Variants in HACD3 observed in about 807,000 individuals in gnomAD.
HACD3 encodes 3-hydroxyacyl-CoA dehydratase 3, also known as very-long-chain (3R)-3-hydroxyacyl-CoA dehydratase 3.
Under a neutral mutation model 55.2 loss-of-function variants are expected in HACD3, and 30 were observed. The ratio of observed to expected loss-of-function variants is 0.54; its 90% CI spans 0.41 to 0.74. The LOEUF (loss-of-function observed/expected upper bound fraction) is 0.74. Ranked by LOEUF, HACD3 falls within the 30% of genes least tolerant of loss-of-function variation. HACD3 has a pLI of 0.00. For missense variants in HACD3, 363 were observed against 440.1 expected (o/e 0.82, Z 1.57); for synonymous variants, 141 against 151.7 (o/e 0.93, Z 0.52).
intron 8 of HACD3, 50 bp from the exon 9 acceptor site, chr15:65,571,498 A>C (rs1371957857): frequency 7.4e-7 from 1 of 1,345,992 alleles, no homozygotes; most frequent in African/African-American, 1.4e-5. Flanking sequence ...CTAAGGTTGC[A>C]TTCGGAACCT....
chr15:65,551,365 C>T (rs1293137405), intron 1 of HACD3, among the ~76,000 whole-genome samples: 1 of 152,170 alleles, frequency 6.6e-6, no homozygotes, highest in Non-Finnish European at 1.5e-5. Context: ...TCTGTATTCC[C>T]GTGTCATATC....
chr15:65,567,298 A>C (rs1490182682), intron 7 of HACD3, among the ~76,000 whole-genome samples: 3 of 152,136 alleles, frequency 2.0e-5, no homozygotes, highest in Admixed American at 1.3e-4. Flanking sequence ...CAACCTGGGC[A>C]GCAGAGCGAG....
At chr15:65,570,723 T>C (rs1421794913) in intron 8 of HACD3, among the ~76,000 whole-genome samples, 1 of 152,244 alleles carries the variant, frequency 6.6e-6, no homozygotes, top group African/African-American at 2.4e-5. Context: ...AAAGTAGATG[T>C]ATTCTTCTTT....
chr15:65,565,347 G>T (rs781617069), intron 7 of HACD3: 5 of 152,252 alleles, frequency 3.3e-5, no homozygotes, highest in African/African-American at 7.2e-5. Flanking sequence ...TTCTGTGTGG[G>T]GGCTCCAACC....
rs1034878621 is a variant in HACD3 at position 65,562,811 on chromosome 15, T to C, written c.459T>C (p.Tyr153=). Residue 153 remains tyrosine (Y), a synonymous_variant, in exon 6 of 11, where the codon TAT becomes TAC. Coordinates refer to ENST00000261875, the MANE Select transcript of HACD3 (RefSeq NM_016395.4). ...TAAGGAAAGGATACCTGTTTATGTATAATCTTGTGCAATTCTTGGGATTCT... is the reference window on the plus strand; with the variant it reads ...TAAGGAAAGGATACCTGTTTATGTACAATCTTGTGCAATTCTTGGGATTCT... The part of the protein sequence containing the change: ...TNLRKGYLFM[Y]NLVQFLGFSW... 6.2e-7 allele frequency: 1 copy of C among 1,613,894 alleles called. No individual in the cohort carries two copies. The highest frequency in any genetic ancestry group is 8.5e-7 in the Non-Finnish European group (1 of 1,179,900).
intron 3 of HACD3, 114 bp downstream of exon 3, chr15:65,555,074 A>AAT: frequency 1.2e-6 from 1 of 821,076 alleles, no homozygotes; most frequent in Non-Finnish European, 2.0e-6. Context: ...AAAGGGGAAT[A>AAT]ATAGAGTTCT....
At chr15:65,550,437 T>G (rs1011979435) in intron 1 of HACD3, among the ~76,000 whole-genome samples, 87 of 151,986 alleles carry the variant, frequency 5.7e-4, no homozygotes, top group African/African-American at 2.0e-3. Flanking sequence ...TTCCAAGAAA[T>G]AAAGACAGTT....
chr15:65,568,770 G>A (rs895213165), intron 7 of HACD3, among the ~76,000 whole-genome samples: 1 of 152,174 alleles, frequency 6.6e-6, no homozygotes, highest in African/African-American at 2.4e-5. Flanking sequence ...AAAAAATCAA[G>A]ACAGTATAAA....
chr15:65,570,591 C>T (rs1338376044), intron 8 of HACD3, among the ~76,000 whole-genome samples: 1 of 152,064 alleles, frequency 6.6e-6, no homozygotes, highest in African/African-American at 2.4e-5. Context: ...TAAATTTCTA[C>T]AAGGGATGAT....
rs1259587789 is a variant in HACD3, at chr15:65,576,710, T to G, written c.*331T>G. 3.9e-6 allele frequency: 1 copy of G among 258,708 alleles called. No homozygotes were observed. Among genetic ancestry groups the G allele is most frequent in the African/African-American group, 2.3e-5 (1 of 44,264 alleles). 16.0% of individuals were successfully genotyped at this position (258,708 alleles called of 1,614,324 possible). On this transcript the variant is annotated 3_prime_UTR_variant, in exon 11 of 11. Transcript: ENST00000261875. ...TTCAAAAAGTGCTTTATCCCTACAA[T>G]GTACTGACAGTTCTTACAGTTGAGA...
At chr15:65,535,812 C>T (rs1258592395) in intron 1 of HACD3, 2 of 642,734 alleles carry the variant, frequency 3.1e-6, no homozygotes, top group African/African-American at 1.8e-5. Flanking sequence ...CCTCCTGGCT[C>T]AGCCTACCAA....
intron 3 of HACD3, 120 bp downstream of exon 3, chr15:65,555,080 G>T (rs1048505155): frequency 2.4e-5 from 19 of 792,308 alleles, no homozygotes; most frequent in Non-Finnish European, 3.7e-5. Flanking sequence ...GAATAATAGA[G>T]TTCTTTTATT....
At chr15:65,555,447 T>C (rs2072179974) in intron 3 of HACD3, among the ~76,000 whole-genome samples, 1 of 152,136 alleles carries the variant, frequency 6.6e-6, no homozygotes, top group African/African-American at 2.4e-5. Context: ...GCTGCAGATA[T>C]CATCAAAACT....
chr15:65,542,944 T>C (rs2072035954), intron 1 of HACD3, among the ~76,000 whole-genome samples: 2 of 151,722 alleles, frequency 1.3e-5, no homozygotes, highest in South Asian at 2.1e-4. Context: ...TGCGATGGCA[T>C]GTGCCTGTAA....
At chr15:65,548,353 TA>T (rs968912995) in intron 1 of HACD3, among the ~76,000 whole-genome samples, 4 of 151,668 alleles carry the variant, frequency 2.6e-5, no homozygotes, top group Admixed American at 2.6e-4. Flanking sequence ...GCAAAAAATT[TA>T]AAAAAGATAT....
intron 2 of HACD3, among the ~76,000 whole-genome samples, chr15:65,553,994 C>G (rs2072161678): frequency 6.6e-6 from 1 of 152,216 alleles, no homozygotes; most frequent in Non-Finnish European, 1.5e-5. Context: ...TTCCACCTGT[C>G]CTTCATAAGC....
intron 4 of HACD3, among the ~76,000 whole-genome samples, chr15:65,557,346 A>C (rs1161830138): frequency 6.6e-6 from 1 of 152,078 alleles, no homozygotes; most frequent in Non-Finnish European, 1.5e-5. Flanking sequence ...GTGGTGGTGC[A>C]TGCCTGTAGT....
Position 65,554,979 on chromosome 15 carries a change from C to G in HACD3, c.204+19C>G. 6.4e-7 allele frequency: 1 copy of G among 1,559,764 alleles called. No individual in the cohort carries two copies. Among genetic ancestry groups the G allele is most frequent in the Admixed American group, 1.7e-5 (1 of 59,696 alleles). On this transcript the variant is annotated intron_variant, in intron 3 of 10. Transcript: ENST00000261875. Reference sequence around the variant, plus strand: ...ACCAGAGGTATGTTCTTTCCTTTCTCACTTCCCTTCCCATTTTAGGAAATG... The same window carrying G: ...ACCAGAGGTATGTTCTTTCCTTTCTGACTTCCCTTCCCATTTTAGGAAATG...
chr15:65,534,767 A>G (rs1393515721), intron 1 of HACD3, among the ~76,000 whole-genome samples: 2 of 152,218 alleles, frequency 1.3e-5, no homozygotes, highest in African/African-American at 4.8e-5. Flanking sequence ...GACGCTCTTC[A>G]TCCAGACAGA....
Sources: gnomAD v4.1 joint callset for allele counts (sites outside exome capture counted in the v4.1 genomes callset) on GRCh38, gnomAD v4.1.1 for gene constraint, MANE v1.5 for transcripts, NCBI Gene and HGNC (gene_info 2026-07-23, HGNC 2026-07-21) for gene names.